Variants in TPO observed in about 807,000 individuals in gnomAD.
TPO encodes thyroid microsomal antigen.
A neutral mutation model predicts 96.9 loss-of-function variants in TPO; 78 were observed. That is an observed-to-expected ratio of 0.81 (90% CI 0.67 to 0.97). The LOEUF (loss-of-function observed/expected upper bound fraction) is 0.97, where lower values mean the gene tolerates loss of function less well. Among genes scored for constraint, TPO ranks in the 50% least tolerant of loss-of-function variants. The pLI, the probability that TPO is intolerant of heterozygous loss-of-function variation, is 0.00. For missense variants in TPO, 1,252 were observed against 1,274.8 expected, an observed-to-expected ratio of 0.98 and a Z score of 0.27; for synonymous variants, 547 against 538.0, an observed-to-expected ratio of 1.02 and a Z score of -0.23.
rs77919514 is a variant in TPO, at chr2:1,396,650, C to T, written n.180+22248C>T. ...CTCAGATGCGTGAGGATGGGCATCG[C>T]GTCACGGGGAGACAGTCTCATCCCA... is the stretch of plus-strand genomic sequence containing the variant. On this transcript the variant is annotated intron_variant and non_coding_transcript_variant, in intron 1 of 5. Transcript: ENST00000497517. Among the ~76,000 whole-genome samples, 1,382 of 152,234 alleles carry T rather than the reference C, an allele frequency of 9.1e-3. 25 individuals are homozygous for T. Among genetic ancestry groups the T allele is most frequent in the African/African-American group, 0.031 (1,270 of 41,536 alleles).
chr2:1,448,411 C>T (rs1478656506), intron 5 of TPO, among the ~76,000 whole-genome samples: 2 of 152,222 alleles, frequency 1.3e-5, no homozygotes, highest in Non-Finnish European at 2.9e-5. Context: ...CCTTCCCCGC[C>T]TGAGTCACTT....
chr2:1,393,907 T>C (rs1245650799), intron 1 of TPO, among the ~76,000 whole-genome samples: 3 of 152,242 alleles, frequency 2.0e-5, no homozygotes, highest in African/African-American at 4.8e-5. Flanking sequence ...GGAGCTACTA[T>C]TTATTTCAAT....
At chr2:1,468,132 G>A (rs2361744) in intron 7 of TPO, among the ~76,000 whole-genome samples, 39 of 151,346 alleles carry the variant, frequency 2.6e-4, no homozygotes, top group African/African-American at 9.0e-4. Context: ...GAATTCTTAT[G>A]CATTCTGCAA....
At chr2:1,479,808 G>A (rs578208511) in intron 8 of TPO, among the ~76,000 whole-genome samples, 11 of 150,142 alleles carry the variant, frequency 7.3e-5, no homozygotes, top group Admixed American at 6.0e-4. Flanking sequence ...TTTTGAGACA[G>A]TCTCACTCTG....
intron 16 of TPO, chr2:1,540,976 T>A: frequency 6.8e-7 from 1 of 1,463,814 alleles, no homozygotes; most frequent in Admixed American, 2.1e-5. Flanking sequence ...GGGCTCACTT[T>A]CAGGCGTTTG....
chr2:1,536,087 G>T (rs1679589482), intron 15 of TPO, among the ~76,000 whole-genome samples: 1 of 36,124 alleles, frequency 2.8e-5, no homozygotes, highest in Non-Finnish European at 5.2e-5. Flanking sequence ...CCCCCACTGT[G>T]TGCAACCTTC....
intron 1 of TPO, among the ~76,000 whole-genome samples, chr2:1,386,179 ATG>A (rs1661891702): frequency 6.6e-6 from 1 of 152,162 alleles, no homozygotes; most frequent in Non-Finnish European, 1.5e-5. Flanking sequence ...GTGGAGAAGA[ATG>A]TATGTTCTGT....
At chr2:1,390,849 T>C (rs988072091) in intron 1 of TPO, among the ~76,000 whole-genome samples, 2 of 152,358 alleles carry the variant, frequency 1.3e-5, no homozygotes, top group African/African-American at 2.4e-5. Context: ...GAAAGGTCTG[T>C]TCATATCCTT....
At chr2:1,375,009 A>G (rs924376939) in intron 1 of TPO, among the ~76,000 whole-genome samples, 2 of 152,154 alleles carry the variant, frequency 1.3e-5, no homozygotes, top group Non-Finnish European at 2.9e-5. Context: ...GATTACAGGC[A>G]TGAACCACTG....
At chr2:1,512,154 C>T (rs1384237781) in intron 14 of TPO, among the ~76,000 whole-genome samples, 2 of 152,188 alleles carry the variant, frequency 1.3e-5, no homozygotes, top group African/African-American at 2.4e-5. Context: ...CTGCCTCAGC[C>T]TCCCGAGTAG....
At chr2:1,446,003 A>G (rs1666771872) in intron 5 of TPO, among the ~76,000 whole-genome samples, 1 of 152,214 alleles carries the variant, frequency 6.6e-6, no homozygotes, top group East Asian at 1.9e-4. Flanking sequence ...ATCCATCGCC[A>G]TAGTGACCAT....
intron 1 of TPO, among the ~76,000 whole-genome samples, chr2:1,385,020 A>T (rs1389583057): frequency 1.3e-5 from 2 of 152,094 alleles, no homozygotes; most frequent in Non-Finnish European, 2.9e-5. Context: ...ACGTTTATTG[A>T]TTTGCGTATG....
rs147134762 is a variant in TPO at position 1,493,619 on chromosome 2, C to G, written c.1769-183C>G. On this transcript the variant is annotated intron_variant, in intron 10 of 16. Coordinates refer to ENST00000329066, the MANE Select transcript of TPO (RefSeq NM_001206744.2). ...TGCCGGGCAGTGTCACAGGGTGGGA[C>G]AGGACTCTGCCGGGCGTCGGAGCTG... is the stretch of plus-strand genomic sequence containing the variant. Among the ~76,000 whole-genome samples the G allele has an allele frequency of 5.3e-4, 79 of 149,668 alleles. 1 individual carries two copies. The East Asian group carries it at 0.013, about 25-fold the overall frequency.
chr2:1,497,154 G>A (rs944537718), intron 13 of TPO, among the ~76,000 whole-genome samples: 15 of 152,180 alleles, frequency 9.9e-5, no homozygotes, highest in East Asian at 1.9e-4. Flanking sequence ...CCTCCTACAG[G>A]TGGCTGATTC....
At chr2:1,403,340 G>T (rs778899639) in intron 1 of TPO, among the ~76,000 whole-genome samples, 3 of 152,182 alleles carry the variant, frequency 2.0e-5, no homozygotes, top group Non-Finnish European at 4.4e-5. Context: ...CCCACTGGAG[G>T]CCCAGATGGA....
intron 1 of TPO, among the ~76,000 whole-genome samples, chr2:1,401,447 A>G (rs549601431): frequency 3.3e-5 from 5 of 152,252 alleles, no homozygotes; most frequent in Middle Eastern, 3.4e-3. Flanking sequence ...TTCTGTTTAC[A>G]ATGGGCTTTG....
intron 7 of TPO, among the ~76,000 whole-genome samples, chr2:1,469,435 G>A (rs1056668511): frequency 1.3e-5 from 2 of 152,090 alleles, no homozygotes; most frequent in Admixed American, 1.3e-4. Flanking sequence ...TGTTTCCTAG[G>A]GATGTGGCTT....
At chr2:1,385,706 T>A (rs1168923879) in intron 1 of TPO, among the ~76,000 whole-genome samples, 1 of 152,200 alleles carries the variant, frequency 6.6e-6, no homozygotes, top group Admixed American at 6.5e-5. Flanking sequence ...TTTGTGTCTC[T>A]ATCTACTTCA....
At chr2:1,521,273 T>G (rs1043352200) in intron 15 of TPO, among the ~76,000 whole-genome samples, 7 of 152,224 alleles carry the variant, frequency 4.6e-5, no homozygotes, top group Admixed American at 2.6e-4. Context: ...TGTTCCCTCC[T>G]GCACCTTCCC....
Sources: gnomAD v4.1 joint callset for allele counts (sites outside exome capture counted in the v4.1 genomes callset) on GRCh38, gnomAD v4.1.1 for gene constraint, MANE v1.5 for transcripts, NCBI Gene and HGNC (gene_info 2026-07-23, HGNC 2026-07-21) for gene names.